The following XAF1 variants were observed in gnomAD, a reference collection of about 807,000 sequenced individuals.
The protein encoded by XAF1 is XIAP associated factor 1, also known as XIAP-associated factor 1.
A neutral mutation model predicts 32.3 loss-of-function variants in XAF1; 32 were observed. The observed-to-expected ratio is 0.99, with a 90% CI of 0.75 to 1.33. The LOEUF (loss-of-function observed/expected upper bound fraction) is 1.33, where lower values mean the gene tolerates loss of function less well. XAF1 is among the 40% of genes most tolerant of loss of function. The pLI is 0.00. For synonymous variants in XAF1, 120 were observed against 125.9 expected, an observed-to-expected ratio of 0.95 and a Z score of 0.31; for missense variants, 379 against 366.0, an observed-to-expected ratio of 1.04 and a Z score of -0.29.
chr17:6,770,157 A>G (rs1975910611), intron 5 of XAF1, among the ~76,000 whole-genome samples: 1 of 152,222 alleles, frequency 6.6e-6, no homozygotes, highest in Middle Eastern at 3.2e-3. Flanking sequence ...GTAATAATAA[A>G]GAACACAAAT....
upstream of XAF1, chr17:6,756,005 A>G (rs3785793): frequency 0.45 from 730,001 of 1,610,396 alleles, 171,744 homozygotes; most frequent in African/African-American, 0.77. Context: ...GGGCTGGGCC[A>G]TCGGAAAACT....
intron 5 of XAF1, among the ~76,000 whole-genome samples, chr17:6,765,452 A>T (rs1975543249): frequency 6.6e-6 from 1 of 152,202 alleles, no homozygotes; most frequent in Non-Finnish European, 1.5e-5. Flanking sequence ...AAATTTTTTA[A>T]AAAGCCATAT....
chr17:6,763,311 C>T (rs1448649891), intron 5 of XAF1, among the ~76,000 whole-genome samples: 1 of 152,090 alleles, frequency 6.6e-6, no homozygotes, highest in Non-Finnish European at 1.5e-5. Flanking sequence ...GCATTTCATT[C>T]CTTTTAATGG....
intron 3 of XAF1, among the ~76,000 whole-genome samples, chr17:6,760,192 AC>A (rs1465954641): frequency 6.6e-6 from 1 of 151,966 alleles, no homozygotes; most frequent in Non-Finnish European, 1.5e-5. Context: ...TACTAAAAGT[AC>A]AAAAATTAGC....
At position 6,770,992 on chromosome 17, in the gene XAF1, GC is replaced by G. The variant is rs1233144249; in HGVS notation, c.849+10del. ...ATCCTAAATCAACATCAGGTACTCA[GC>G]CTCTGTTCTCTGCTTACCTTTCTGG... On this transcript the variant is annotated intron_variant, in intron 6 of 6. Transcript: ENST00000361842. 1.9e-6 allele frequency: 3 copies of G among 1,613,724 alleles called. No homozygotes were observed. Among genetic ancestry groups the G allele is most frequent in the Non-Finnish European group, 2.5e-6 (3 of 1,179,862 alleles).
chr17:6,768,003 C>T (rs892861618), intron 5 of XAF1, among the ~76,000 whole-genome samples: 1 of 152,100 alleles, frequency 6.6e-6, no homozygotes, highest in African/African-American at 2.4e-5. Flanking sequence ...AAAATGCTGC[C>T]AGAATTTTGT....
chr17:6,762,271 G>A (rs756869867), intron 5 of XAF1, 31 bp downstream of exon 5: 1 of 1,550,900 alleles, frequency 6.4e-7, no homozygotes, highest in South Asian at 1.2e-5. Context: ...TTCTAATGGT[G>A]CCAATAGTTC....
rs1567661849 is a variant in XAF1 at position 6,770,680 on chromosome 17, T to A, written c.545T>A (p.Phe182Tyr). The change falls in exon 6 of 7, where the codon TTT (phenylalanine) becomes TAT (tyrosine). Residue 182 changes from phenylalanine to tyrosine, a missense_variant. Transcript: ENST00000361842. Reference protein sequence around the residue: ...CCPDSEFKKHFPVGNPEILPS... With the variant: ...CCPDSEFKKHYPVGNPEILPS... ...CCAGACTCAGAGTTTAAGAAACACT[T>A]TCCTGTTGGAAATCCAGAAATTCTT... 2 of 1,607,938 alleles carry A rather than the reference T, an allele frequency of 1.2e-6. No individual in the cohort carries two copies. Among genetic ancestry groups the A allele is most frequent in the East Asian group, 4.5e-5 (2 of 44,866 alleles).
rs114353775 is a variant in XAF1 at position 6,756,171 on chromosome 17, T to C, written c.32+61T>C. ...TGGCGAGGGAGAGACGTAGACGACA[T>C]AGGGCTGTTTCTGAAGGGAGCAGAA... is the stretch of plus-strand genomic sequence containing the variant. On this transcript the variant is annotated intron_variant, in intron 1 of 6. Transcript: ENST00000361842. The C allele has an allele frequency of 2.3e-3, 3,653 of 1,612,184 alleles. 81 individuals carry two copies. The African/African-American group carries it at 0.044, about 20-fold the overall frequency.
chr17:6,760,692 C>T lies in XAF1; in HGVS notation c.421+91C>T, dbSNP rs1001290875. ...CAAGGAAGGGAAGCTCTCAACAGGA[C>T]GGATGACAAGTGTATTTGCTGTATA... is the stretch of plus-strand genomic sequence containing the variant. On this transcript the variant is annotated intron_variant, in intron 4 of 6. Coordinates refer to ENST00000361842, the MANE Select transcript of XAF1 (RefSeq NM_017523.5). The T allele has an allele frequency of 2.9e-5, 37 of 1,283,128 alleles. No homozygotes were observed. In the Middle Eastern group the frequency reaches 8.2e-4, roughly 28 times the overall value. 79.5% of individuals were successfully genotyped at this position (1,283,128 alleles called of 1,614,324 possible).
At chr17:6,755,888 G>A, upstream of XAF1, 1 of 1,412,138 alleles carries the variant, frequency 7.1e-7, no homozygotes, top group South Asian at 1.5e-5. Flanking sequence ...GGCGACAGCA[G>A]GGGCTGGCCA....
intron 5 of XAF1, among the ~76,000 whole-genome samples, chr17:6,764,535 A>G (rs1308412925): frequency 6.6e-6 from 1 of 152,114 alleles, no homozygotes; most frequent in Non-Finnish European, 1.5e-5. Flanking sequence ...ACCACTATTG[A>G]ATATTTATAT....
chr17:6,758,216 C>T lies in XAF1; in HGVS notation c.160C>T (p.His54Tyr). The T allele has an allele frequency of 6.2e-7, 1 of 1,614,168 alleles. No homozygotes were observed. Residue 54 changes from histidine to tyrosine, a missense_variant, in exon 2 of 7, where the codon CAC becomes TAC. By Grantham distance (83) the His-to-Tyr change is moderately conservative (BLOSUM62 2). Transcript: ENST00000361842. ...ETMEEHCKLE[H>Y]QQVGCTMCQQ... is the part of the protein sequence containing the mutation. ...CATGGAGGAGCACTGCAAGCTTGAG[C>T]ACCAGCAGGTGAGGAGGCGGCAGGG...
In XAF1 at chr17:6,762,019, G is replaced by A. The variant is rs774793013; in HGVS notation, c.422-136G>A. Reference sequence around the variant, plus strand: ...CTGTGTGGTCAAGGATGCCGGCAGCGCAGGAAAGTCAAGACCAGGCAGGTC... The same window carrying A: ...CTGTGTGGTCAAGGATGCCGGCAGCACAGGAAAGTCAAGACCAGGCAGGTC... On this transcript the variant is annotated intron_variant, in intron 4 of 6. Transcript: ENST00000361842. 5.1e-5 allele frequency: 79 copies of A among 1,544,912 alleles called. 4 individuals carry two copies. In the South Asian group the frequency reaches 5.8e-4, roughly 11 times the overall value.
At chr17:6,768,416 C>T (rs1194774931) in intron 5 of XAF1, among the ~76,000 whole-genome samples, 2 of 152,168 alleles carry the variant, frequency 1.3e-5, no homozygotes, top group Admixed American at 1.3e-4. Context: ...AGCTACTGTG[C>T]CCGGCTGGAT....
At chr17:6,757,969 A>T in intron 1 of XAF1, 120 bp from the exon 2 acceptor site, 2 of 1,379,288 alleles carry the variant, frequency 1.5e-6, no homozygotes, top group Admixed American at 3.7e-5. Flanking sequence ...TGGTGTCATC[A>T]TCATCACATG....
At chr17:6,764,033 C>G (rs1311448895) in intron 5 of XAF1, among the ~76,000 whole-genome samples, 1 of 152,188 alleles carries the variant, frequency 6.6e-6, no homozygotes, top group African/African-American at 2.4e-5. Flanking sequence ...CACCTACACA[C>G]TTATTTGAAG....
At chr17:6,765,040 C>A (rs1008006991) in intron 5 of XAF1, among the ~76,000 whole-genome samples, 3 of 152,146 alleles carry the variant, frequency 2.0e-5, no homozygotes, top group African/African-American at 7.2e-5. Flanking sequence ...TTTGGGGGGC[C>A]CCAGGGCTTA....
Position 6,774,530 on chromosome 17 carries a change from C to T in XAF1, c.*1361C>T, listed in dbSNP as rs564491713. On this transcript the variant is annotated 3_prime_UTR_variant, in exon 7 of 7. Transcript: ENST00000361842. ...CGGAAAAAGATTTCATGACAAAGAT[C>T]CCAAAAATAATTGTAACGAAAGCAA... 6.6e-6 allele frequency: 1 copy of T among 152,200 alleles called. No homozygotes were observed. The highest frequency in any genetic ancestry group is 6.5e-5 in the Admixed American group (1 of 15,288). The allele number at this position is 152,200 out of a possible 1,614,324, so 9.4% of individuals were successfully genotyped here.
Sources: allele counts gnomAD v4.1 joint callset (sites outside exome capture counted in the v4.1 genomes callset), GRCh38; gene constraint gnomAD v4.1.1; transcripts MANE v1.5; gene names NCBI Gene and HGNC (gene_info 2026-07-23, HGNC 2026-07-21).